SH3BGR: variants seen among roughly 807,000 people sequenced by gnomAD.
The protein encoded by SH3BGR is SH3 domain-binding glutamic acid-rich protein.
In SH3BGR, 29 loss-of-function variants were observed where a neutral mutation model predicts 24.5. That is an observed-to-expected ratio of 1.18 (90% CI 0.88 to 1.61). The LOEUF is 1.61. Among genes scored for constraint, SH3BGR ranks in the 40% most tolerant of loss-of-function variants. The probability of loss-of-function intolerance (pLI) is 0.00; values close to 1 mark genes in which losing one functional copy is unlikely to be tolerated. For synonymous variants in SH3BGR, 55 were observed against 65.7 expected, an observed-to-expected ratio of 0.84 and a Z score of 0.79; for missense variants, 162 against 205.8, an observed-to-expected ratio of 0.79 and a Z score of 1.30.
At chr21:39,466,501 C>T (rs1602090218) in intron 2 of SH3BGR, among the ~76,000 whole-genome samples, 1 of 152,106 alleles carries the variant, frequency 6.6e-6, no homozygotes, top group Non-Finnish European at 1.5e-5. Flanking sequence ...CTAATAAAGA[C>T]GTACCCAGGA....
At chr21:39,478,437 C>G (rs2078063799) in intron 3 of SH3BGR, among the ~76,000 whole-genome samples, 1 of 152,156 alleles carries the variant, frequency 6.6e-6, no homozygotes, top group Non-Finnish European at 1.5e-5. Flanking sequence ...TTTGTCTTTC[C>G]CAATTCTGGG....
intron 3 of SH3BGR, among the ~76,000 whole-genome samples, chr21:39,490,385 C>T (rs761540801): frequency 9.2e-5 from 14 of 152,198 alleles, no homozygotes; most frequent in Non-Finnish European, 1.6e-4. Context: ...AGAAAAGAGA[C>T]GATCCGTTTG....
chr21:39,497,485 A>C (rs1296449295), intron 3 of SH3BGR, among the ~76,000 whole-genome samples: 1 of 152,010 alleles, frequency 6.6e-6, no homozygotes, highest in African/African-American at 2.4e-5. Context: ...AACTAAAAAA[A>C]ATACAACAAA....
At chr21:39,513,332 A>C (rs2078729428) in intron 6 of SH3BGR, among the ~76,000 whole-genome samples, 1 of 152,188 alleles carries the variant, frequency 6.6e-6, no homozygotes, top group Non-Finnish European at 1.5e-5. Flanking sequence ...AGGAAGAAGA[A>C]ATCTTTGGTG....
intron 2 of SH3BGR, among the ~76,000 whole-genome samples, chr21:39,464,976 T>G (rs1003055228): frequency 1.2e-4 from 18 of 152,090 alleles, no homozygotes; most frequent in African/African-American, 3.4e-4. Flanking sequence ...TCCCCTCCAT[T>G]TCTATTTATT....
At chr21:39,476,205 G>A (rs559374291) in intron 3 of SH3BGR, among the ~76,000 whole-genome samples, 2 of 152,284 alleles carry the variant, frequency 1.3e-5, no homozygotes, top group African/African-American at 2.4e-5. Flanking sequence ...GAAGGCAGGA[G>A]GAGACCAGGA....
At chr21:39,466,506 C>T (rs1325113994) in intron 2 of SH3BGR, among the ~76,000 whole-genome samples, 1 of 152,078 alleles carries the variant, frequency 6.6e-6, no homozygotes, top group Non-Finnish European at 1.5e-5. Flanking sequence ...AAAGACGTAC[C>T]CAGGACTGGA....
chr21:39,451,844 CCAAT>C, upstream of SH3BGR: 2 of 1,557,732 alleles, frequency 1.3e-6, no homozygotes, highest in Non-Finnish European at 1.7e-6. Context: ...CTTTTATCGA[CCAAT>C]CAAATATTTT....
At chr21:39,476,298 G>A (rs2078027004) in intron 3 of SH3BGR, among the ~76,000 whole-genome samples, 1 of 152,180 alleles carries the variant, frequency 6.6e-6, no homozygotes, top group Non-Finnish European at 1.5e-5. Context: ...GCGGCTGAGA[G>A]ATTGAGTCAG....
At chr21:39,462,641 C>A in intron 2 of SH3BGR, 81 bp downstream of exon 2, 1 of 998,526 alleles carries the variant, frequency 1.0e-6, no homozygotes, top group Non-Finnish European at 1.4e-6. Flanking sequence ...TTTGAGTCAG[C>A]ATTTGAAATT....
chr21:39,483,125 A>G (rs1325657895), intron 3 of SH3BGR, among the ~76,000 whole-genome samples: 4 of 152,250 alleles, frequency 2.6e-5, no homozygotes, highest in African/African-American at 9.6e-5. Flanking sequence ...CAAGGCAGAA[A>G]GACACACAAA....
At chr21:39,510,429 TACACACACACAC>T (rs140320437) in intron 5 of SH3BGR, among the ~76,000 whole-genome samples, 4 of 105,602 alleles carry the variant, frequency 3.8e-5, no homozygotes, top group East Asian at 2.7e-4. Flanking sequence ...ACACTGTAGC[TACACACACACAC>T]ACACACACAC....
chr21:39,511,456 G>A lies in SH3BGR; in HGVS notation c.436-224G>A, dbSNP rs750277460. On this transcript the variant is annotated intron_variant, in intron 5 of 6. Transcript: ENST00000333634. This position sits in a 1 kb window ranked among gnomAD's most constrained non-coding sequence, Gnocchi z 4.2. ...TGTGCTGTGTGTCATGTGTGTTTCC[G>A]TGGTGTGTGTGTGTTTGGGCGGTAT... 2.7e-5 allele frequency among the ~76,000 whole-genome samples: 4 copies of A among 146,344 alleles called. No homozygotes were observed. Among genetic ancestry groups the A allele is most frequent in the Middle Eastern group, 3.9e-3 (1 of 258 alleles).
At chr21:39,449,745 T>C (rs2077552413), upstream of SH3BGR, among the ~76,000 whole-genome samples, 1 of 152,194 alleles carries the variant, frequency 6.6e-6, no homozygotes, top group Non-Finnish European at 1.5e-5. Context: ...GCTTAAGTCT[T>C]GGATATGCCA....
chr21:39,476,522 G>A (rs1188928347), intron 3 of SH3BGR, among the ~76,000 whole-genome samples: 1 of 152,182 alleles, frequency 6.6e-6, no homozygotes, highest in Non-Finnish European at 1.5e-5. Context: ...AGACATCATT[G>A]TTTTAAAAAA....
At chr21:39,478,333 G>A (rs964530562) in intron 3 of SH3BGR, among the ~76,000 whole-genome samples, 1 of 152,210 alleles carries the variant, frequency 6.6e-6, no homozygotes, top group Non-Finnish European at 1.5e-5. Context: ...TCAGAACCGG[G>A]AAGGTGCCGC....
At chr21:39,505,634 G>A (rs1260840657) in intron 4 of SH3BGR, among the ~76,000 whole-genome samples, 2 of 152,016 alleles carry the variant, frequency 1.3e-5, no homozygotes, top group Admixed American at 6.5e-5. Context: ...GTGTGGTAGC[G>A]GGTGCCTGTA....
intron 4 of SH3BGR, among the ~76,000 whole-genome samples, chr21:39,503,051 A>G (rs917959287): frequency 6.6e-6 from 1 of 151,516 alleles, no homozygotes. Flanking sequence ...TTTGAAAACC[A>G]AGGTCTATAC....
At chr21:39,479,363 A>T in intron 3 of SH3BGR, among the ~76,000 whole-genome samples, 1 of 127,330 alleles carries the variant, frequency 7.9e-6, no homozygotes, top group South Asian at 2.6e-4. Context: ...GATGGTGGAG[A>T]TGATGGTGGT....
Sources: gnomAD v4.1 joint callset for allele counts (sites outside exome capture counted in the v4.1 genomes callset) on GRCh38, gnomAD v4.1.1 for gene constraint, Gnocchi (gnomAD v3.1) non-coding constraint, MANE v1.5 for transcripts, NCBI Gene and HGNC (gene_info 2026-07-23, HGNC 2026-07-21) for gene names.